The following SLC24A3 variants were observed in gnomAD, a reference collection of about 807,000 sequenced individuals.
SLC24A3 encodes the protein solute carrier family 24 member 3.
In SLC24A3, 28 loss-of-function variants were observed where a neutral mutation model predicts 75.8. That is an observed-to-expected ratio of 0.37 (90% CI 0.27 to 0.51). The LOEUF is 0.51. SLC24A3 is among the 20% of genes least tolerant of loss of function. The pLI, the probability that SLC24A3 is intolerant of heterozygous loss-of-function variation, is 0.94. For missense variants in SLC24A3, 663 were observed against 847.8 expected (o/e 0.78, Z 2.71); for synonymous variants, 372 against 334.1 (o/e 1.11, Z -1.24).
At chr20:19,468,503 TG>T (rs747217993) in intron 2 of SLC24A3, among the ~76,000 whole-genome samples, 3 of 152,022 alleles carry the variant, frequency 2.0e-5, no homozygotes, top group Non-Finnish European at 4.4e-5. Context: ...GTGGAGAAGG[TG>T]AAAATCTCGT....
chr20:19,466,822 G>A (rs1225079150), intron 2 of SLC24A3, among the ~76,000 whole-genome samples: 1 of 152,124 alleles, frequency 6.6e-6, no homozygotes, highest in African/African-American at 2.4e-5. Flanking sequence ...ACTTTCTTGG[G>A]CCTGAAATTA....
chr20:19,352,497 A>T (rs1366041859), intron 2 of SLC24A3, among the ~76,000 whole-genome samples: 1 of 152,160 alleles, frequency 6.6e-6, no homozygotes, highest in African/African-American at 2.4e-5. Flanking sequence ...CCATCTCCTC[A>T]TTTGATTATT....
At chr20:19,213,936 G>C (rs1891625247) in intron 1 of SLC24A3, among the ~76,000 whole-genome samples, 1 of 152,150 alleles carries the variant, frequency 6.6e-6, no homozygotes, top group South Asian at 2.1e-4. Context: ...TTGTGAGAAA[G>C]AAACAAAACA....
intron 12 of SLC24A3, among the ~76,000 whole-genome samples, chr20:19,688,528 C>T (rs1206067325): frequency 3.3e-5 from 5 of 152,238 alleles, no homozygotes; most frequent in South Asian, 2.1e-4. Flanking sequence ...AGAAGCCTGT[C>T]GGGTGCTTCC....
intron 3 of SLC24A3, among the ~76,000 whole-genome samples, chr20:19,539,897 C>T (rs772304268): frequency 1.3e-5 from 2 of 152,332 alleles, no homozygotes; most frequent in African/African-American, 2.4e-5. Flanking sequence ...TCAGCTTCTT[C>T]TTAGCCTCTC....
chr20:19,554,173 CAT>C (rs1385351612), intron 3 of SLC24A3, among the ~76,000 whole-genome samples: 1 of 152,088 alleles, frequency 6.6e-6, no homozygotes, highest in Non-Finnish European at 1.5e-5. Context: ...ATGTAGAACA[CAT>C]GAGATGGCAA....
At chr20:19,662,014 C>CT (rs1444060470) in intron 7 of SLC24A3, among the ~76,000 whole-genome samples, 1 of 152,166 alleles carries the variant, frequency 6.6e-6, no homozygotes, top group Non-Finnish European at 1.5e-5. Flanking sequence ...GAAATGAGTG[C>CT]TTTTTTCAAA....
intron 8 of SLC24A3, 131 bp from the exon 9 acceptor site, chr20:19,673,470 T>C: frequency 2.8e-6 from 2 of 718,244 alleles, no homozygotes; most frequent in South Asian, 3.4e-5. Context: ...CCAGGAAATA[T>C]CCGTCACCTA....
chr20:19,272,994 G>A (rs1478935135), intron 1 of SLC24A3, among the ~76,000 whole-genome samples: 1 of 152,130 alleles, frequency 6.6e-6, no homozygotes, highest in Non-Finnish European at 1.5e-5. Context: ...AGAAGAAGTG[G>A]GAGAATATGT....
intron 6 of SLC24A3, among the ~76,000 whole-genome samples, chr20:19,640,127 G>C (rs1420670189): frequency 1.3e-5 from 2 of 152,244 alleles, no homozygotes; most frequent in Non-Finnish European, 2.9e-5. Context: ...CCTCCAAAGT[G>C]GGAGCCCAGG....
intron 2 of SLC24A3, among the ~76,000 whole-genome samples, chr20:19,312,538 A>G (rs2122263063): frequency 6.6e-6 from 1 of 152,334 alleles, no homozygotes; most frequent in Middle Eastern, 3.4e-3. Context: ...ACCATTGTGA[A>G]CAAGGAGGCC....
chr20:19,531,262 T>C lies in SLC24A3; in HGVS notation c.348+15698T>C, dbSNP rs76297855. ...GGGTATTGAGTGCATCAGAAGTTTT[T>C]CTAGAAGTTCCAACAAATAAAACAA... On this transcript the variant is annotated intron_variant, in intron 3 of 16. Coordinates refer to ENST00000328041, the MANE Select transcript of SLC24A3 (RefSeq NM_020689.4). Among the ~76,000 whole-genome samples, 1,310 of 152,340 alleles carry C rather than the reference T, an allele frequency of 8.6e-3. 20 individuals carry two copies. The highest frequency in any genetic ancestry group is 0.042 in the South Asian group (201 of 4,832).
intron 2 of SLC24A3, among the ~76,000 whole-genome samples, chr20:19,369,574 G>A (rs920280063): frequency 2.0e-5 from 3 of 152,310 alleles, no homozygotes; most frequent in Admixed American, 2.0e-4. Context: ...TTAGATAATA[G>A]TAGTGTTATC....
chr20:19,518,572 G>A (rs650428), intron 3 of SLC24A3, among the ~76,000 whole-genome samples: 22,031 of 152,218 alleles, frequency 0.14, 1,857 homozygotes, highest in East Asian at 0.31. Flanking sequence ...ACACAGAGAG[G>A]TGAGAGTCAG....
intron 2 of SLC24A3, among the ~76,000 whole-genome samples, chr20:19,322,593 T>G (rs1248178994): frequency 6.6e-6 from 1 of 152,192 alleles, no homozygotes; most frequent in African/African-American, 2.4e-5. Context: ...GCTTGGGATT[T>G]CCCTCTAGCC....
At chr20:19,542,654 A>G (rs1376701842) in intron 3 of SLC24A3, among the ~76,000 whole-genome samples, 3 of 152,180 alleles carry the variant, frequency 2.0e-5, no homozygotes, top group African/African-American at 7.2e-5. Context: ...CTGTAATTCC[A>G]TAAGTGTTCA....
At chr20:19,505,812 CA>C (rs1988454652) in intron 2 of SLC24A3, among the ~76,000 whole-genome samples, 1 of 152,208 alleles carries the variant, frequency 6.6e-6, no homozygotes, top group Admixed American at 6.5e-5. Context: ...GAACCTTTCT[CA>C]GCTCTGGAGA....
At chr20:19,342,552 A>T (rs1985293725) in intron 2 of SLC24A3, among the ~76,000 whole-genome samples, 2 of 152,238 alleles carry the variant, frequency 1.3e-5, no homozygotes, top group African/African-American at 2.4e-5. Flanking sequence ...AAGACATGGG[A>T]ATTTATTTAT....
At position 19,323,201 on chromosome 20, in the gene SLC24A3, G is replaced by A. The variant is rs376721192; in HGVS notation, c.271+42114G>A. On this transcript the variant is annotated intron_variant, in intron 2 of 16. Coordinates refer to ENST00000328041, the MANE Select transcript of SLC24A3 (RefSeq NM_020689.4). ...AGCCTGGGCGACAGAGCGAGACTCC[G>A]TCTCAAAAAAAAAAAAAAAAAAAAA... Among the ~76,000 whole-genome samples the A allele has an allele frequency of 3.1e-3, 332 of 108,236 alleles. 4 individuals carry two copies. Among genetic ancestry groups the A allele is most frequent in the African/African-American group, 0.014 (307 of 22,538 alleles). 71.0% of individuals were successfully genotyped at this position (108,236 alleles called of 152,430 possible). A position where few individuals can be genotyped will look rare whatever the true frequency, so the allele number is the denominator to read the frequency against.
Sources: gnomAD v4.1 joint callset for allele counts (sites outside exome capture counted in the v4.1 genomes callset) on GRCh38, gnomAD v4.1.1 for gene constraint, MANE v1.5 for transcripts, NCBI Gene and HGNC (gene_info 2026-07-23, HGNC 2026-07-21) for gene names.